Variants in DNAH7 observed in about 807,000 individuals in gnomAD.
DNAH7 encodes dynein axonemal heavy chain 7, also known as axonemal beta dynein heavy chain 7.
In DNAH7, 397 loss-of-function variants were observed where a neutral mutation model predicts 444.6. That is an observed-to-expected ratio of 0.89 (90% CI 0.82 to 0.97). The LOEUF (loss-of-function observed/expected upper bound fraction) is 0.97, where lower values mean the gene tolerates loss of function less well. Ranked by LOEUF, DNAH7 falls within the 50% of genes least tolerant of loss-of-function variation. The probability of loss-of-function intolerance (pLI) is 0.00; values close to 1 mark genes in which losing one functional copy is unlikely to be tolerated. For missense variants in DNAH7, 4,902 were observed against 4,800.8 expected (o/e 1.02, Z -0.62); for synonymous variants, 1,636 against 1,624.4 (o/e 1.01, Z -0.17).
intron 12 of DNAH7, among the ~76,000 whole-genome samples, chr2:195,993,042 C>T (rs2125657152): frequency 6.6e-6 from 1 of 152,256 alleles, no homozygotes; most frequent in South Asian, 2.1e-4. Flanking sequence ...TCCACCTGAC[C>T]CCATCCTGAG....
chr2:195,900,641 G>A, intron 27 of DNAH7, 147 bp from the exon 28 acceptor site: 1 of 696,180 alleles, frequency 1.4e-6, no homozygotes, highest in African/African-American at 1.8e-5. Context: ...GGTAACTAGA[G>A]GCTGGGAAAG....
intron 17 of DNAH7, among the ~76,000 whole-genome samples, chr2:195,962,991 C>T (rs1476649005): frequency 6.6e-6 from 1 of 151,890 alleles, no homozygotes; most frequent in Admixed American, 6.6e-5. Flanking sequence ...TATACAGATA[C>T]CACATTTTCT....
intron 61 of DNAH7, among the ~76,000 whole-genome samples, chr2:195,758,561 A>G (rs927606529): frequency 6.6e-6 from 1 of 152,226 alleles, no homozygotes. Flanking sequence ...CTACACAAAA[A>G]AGCAACTTCA....
chr2:195,867,725 T>A (rs1700428502), intron 40 of DNAH7, among the ~76,000 whole-genome samples: 1 of 152,334 alleles, frequency 6.6e-6, no homozygotes, highest in Non-Finnish European at 1.5e-5. Flanking sequence ...CTTAGCACAA[T>A]GTTTCTAGGT....
In DNAH7 at chr2:196,019,182, T is replaced by G. The variant is rs1461999482; in HGVS notation, c.857A>C (p.His286Pro). The change falls in exon 9 of 65, where the codon CAC (histidine) becomes CCC (proline). Residue 286 changes from histidine to proline, a missense_variant. Transcript: ENST00000312428. Reference sequence around the variant, plus strand: ...CACATATACTCACTTAAAATTAGTGTGCCACAAATCTAGTACAGCCAGCAT... The same window carrying G: ...CACATATACTCACTTAAAATTAGTGGGCCACAAATCTAGTACAGCCAGCAT... ...PTMLAVLDLW[H>P]TNFKKLRLVD... The G allele has an allele frequency of 6.7e-7, 1 of 1,483,618 alleles. No homozygotes were observed. The highest frequency in any genetic ancestry group is 2.4e-5 in the East Asian group (1 of 42,022). The allele number at this position is 1,483,618 out of a possible 1,614,324, so 91.9% of individuals were successfully genotyped here.
At chr2:195,898,298 TTC>T (rs1324946171) in intron 28 of DNAH7, among the ~76,000 whole-genome samples, 9 of 152,160 alleles carry the variant, frequency 5.9e-5, no homozygotes, top group Non-Finnish European at 1.0e-4. Context: ...TCTTGTTGTG[TTC>T]TGTTTTTGTT....
chr2:195,742,306 G>A (rs1356459792), intron 63 of DNAH7, among the ~76,000 whole-genome samples: 2 of 152,236 alleles, frequency 1.3e-5, no homozygotes, highest in Non-Finnish European at 2.9e-5. Context: ...GGAAAAGAAA[G>A]AGAACCTACA....
chr2:195,857,400 G>T lies in DNAH7; in HGVS notation c.8391C>A (p.Val2797=). The change falls in exon 44 of 65, where the codon GTC becomes GTA. Residue 2797 remains valine, a synonymous_variant. Transcript: ENST00000312428. ...ACTTATCATATGAATCCATTGCTATGACCCATTTGCACAGACCTTCGGCCG... is the reference window on the plus strand; with the variant it reads ...ACTTATCATATGAATCCATTGCTATTACCCATTTGCACAGACCTTCGGCCG... ...STAAEGLCKW[V]IAMDSYDKVA... The T allele has an allele frequency of 6.3e-7, 1 of 1,595,166 alleles. No individual in the cohort carries two copies. The highest frequency in any genetic ancestry group is 1.2e-5 in the South Asian group (1 of 86,224).
At chr2:195,812,291 G>A (rs967268775) in intron 51 of DNAH7, among the ~76,000 whole-genome samples, 8 of 152,088 alleles carry the variant, frequency 5.3e-5, no homozygotes, top group African/African-American at 1.7e-4. Context: ...TGGTGTGGCT[G>A]GCCTCACATC....
chr2:195,768,226 A>T (rs1694676006), intron 61 of DNAH7, among the ~76,000 whole-genome samples: 1 of 148,216 alleles, frequency 6.7e-6, no homozygotes, highest in African/African-American at 2.4e-5. Flanking sequence ...TCTTTAAGAT[A>T]TATATAGAGA....
intron 55 of DNAH7, among the ~76,000 whole-genome samples, chr2:195,798,693 G>A (rs2105999893): frequency 6.6e-6 from 1 of 151,948 alleles, no homozygotes; most frequent in East Asian, 1.9e-4. Flanking sequence ...ACAGGCGTCT[G>A]CAACCACGCC....
chr2:195,827,771 C>T (rs1697846420), intron 48 of DNAH7, among the ~76,000 whole-genome samples: 1 of 151,354 alleles, frequency 6.6e-6, no homozygotes, highest in Non-Finnish European at 1.5e-5. Context: ...GAGATGGGGT[C>T]TTGCTACATT....
rs1187279720 is a variant in DNAH7, at chr2:195,972,089, TGTCTCC to T, written c.2058+147_2058+152del. Among the ~76,000 whole-genome samples the T allele has an allele frequency of 2.6e-5, 4 of 152,188 alleles. No homozygotes were observed. The South Asian group carries it at 8.3e-4, about 32-fold the overall frequency. On this transcript the variant is annotated intron_variant, in intron 16 of 64. Coordinates refer to ENST00000312428, the MANE Select transcript of DNAH7 (RefSeq NM_018897.3). The stretch of plus-strand genomic sequence containing the variant: ...CATTATAAAAGATCCAATATATTAC[TGTCTCC>T]CACTAATATTTATAGTGAGATTATA...
At chr2:195,996,428 CTTT>C (rs5837486) in intron 12 of DNAH7, among the ~76,000 whole-genome samples, 1 of 144,566 alleles carries the variant, frequency 6.9e-6, no homozygotes, top group Non-Finnish European at 1.5e-5. Flanking sequence ...CCAACTTAAT[CTTT>C]TTTTTTTTTT....
chr2:196,006,332 C>T (rs540864512), intron 10 of DNAH7, among the ~76,000 whole-genome samples: 1 of 152,174 alleles, frequency 6.6e-6, no homozygotes, highest in Admixed American at 6.5e-5. Flanking sequence ...TATCTCCATT[C>T]CATGACCATG....
At chr2:195,781,704 A>C (rs980896880) in intron 58 of DNAH7, among the ~76,000 whole-genome samples, 1 of 150,668 alleles carries the variant, frequency 6.6e-6, no homozygotes, top group Non-Finnish European at 1.5e-5. Context: ...TAGTTATCAA[A>C]AAGGGGAAAT....
intron 7 of DNAH7, among the ~76,000 whole-genome samples, chr2:196,025,744 A>T (rs1236065971): frequency 1.3e-5 from 2 of 152,170 alleles, no homozygotes; most frequent in Non-Finnish European, 1.5e-5. Flanking sequence ...TTACACTATG[A>T]ACTCTGAGGG....
chr2:195,992,217 T>C (rs1040025292), intron 12 of DNAH7, among the ~76,000 whole-genome samples: 3 of 152,146 alleles, frequency 2.0e-5, no homozygotes, highest in Non-Finnish European at 4.4e-5. Context: ...AAAACCTCAG[T>C]GCATTTCTAG....
chr2:195,910,224 T>C (rs753133192), intron 24 of DNAH7, 29 bp from the exon 25 acceptor site: 2 of 1,489,286 alleles, frequency 1.3e-6, no homozygotes, highest in Non-Finnish European at 1.8e-6. Context: ...ACATTCTTTG[T>C]AGAATAATGT....
Sources: allele counts gnomAD v4.1 joint callset (sites outside exome capture counted in the v4.1 genomes callset), GRCh38; gene constraint gnomAD v4.1.1; transcripts MANE v1.5; gene names NCBI Gene and HGNC (gene_info 2026-07-23, HGNC 2026-07-21).